PRKD3: variants seen among roughly 807,000 people sequenced by gnomAD.
The protein encoded by PRKD3 is protein kinase D3, also known as serine/threonine-protein kinase D3.
PRKD3 carries 47 observed loss-of-function variants against 99.2 expected under a neutral mutation model. That is an observed-to-expected ratio of 0.47 (90% CI 0.38 to 0.60). The LOEUF is 0.60. Among genes scored for constraint, PRKD3 ranks in the 20% least tolerant of loss-of-function variants. The pLI is 0.00. For missense variants in PRKD3, 1,019 were observed against 1,088.4 expected, an observed-to-expected ratio of 0.94 and a Z score of 0.90; for synonymous variants, 392 against 355.4, an observed-to-expected ratio of 1.10 and a Z score of -1.16.
chr2:37,296,936 C>G (rs1181188507), intron 2 of PRKD3, among the ~76,000 whole-genome samples: 3 of 146,854 alleles, frequency 2.0e-5, no homozygotes, highest in Non-Finnish European at 4.5e-5. Context: ...ATGTAAGAGT[C>G]TAAACTAAAA....
At position 37,274,607 on chromosome 2, in the gene PRKD3, T is replaced by A. The variant is rs1207900846; in HGVS notation, c.1465A>T (p.Ile489Phe). 6.2e-7 allele frequency: 1 copy of A among 1,614,034 alleles called. No individual in the cohort carries two copies. Among genetic ancestry groups the A allele is most frequent in the Non-Finnish European group, 8.5e-7 (1 of 1,179,978 alleles). Residue 489 changes from isoleucine (I) to phenylalanine (F), a missense_variant, in exon 11 of 19, where the codon ATT becomes TTT. Physicochemically the swap from Ile to Phe is conservative, Grantham distance 21. Around this residue, in one of 3 missense-constraint regions of PRKD3, gnomAD observed 710 missense variants for 692.7 expected, o/e 1.02. Transcript: ENST00000234179. ...ACGAAGTATACCATAGTATCAGTAA[T>A]GATTTCAAAACAGTGTGGATTGCTG... ...QGSNPHCFEI[I>F]TDTMVYFVGE...
At chr2:37,255,755 C>T (rs1039321577) in intron 17 of PRKD3, among the ~76,000 whole-genome samples, 3 of 152,142 alleles carry the variant, frequency 2.0e-5, no homozygotes, top group Non-Finnish European at 4.4e-5. Context: ...CCTGTAATCC[C>T]AGCACTTTGG....
At chr2:37,309,332 T>A (rs1287741358) in intron 2 of PRKD3, among the ~76,000 whole-genome samples, 1 of 152,212 alleles carries the variant, frequency 6.6e-6, no homozygotes, top group Non-Finnish European at 1.5e-5. Context: ...ACTGTTCCTA[T>A]CCCTTTAGAG....
intron 7 of PRKD3, among the ~76,000 whole-genome samples, chr2:37,280,919 C>T (rs925849841): frequency 6.6e-6 from 1 of 152,090 alleles, no homozygotes; most frequent in Non-Finnish European, 1.5e-5. Context: ...GAAAAATAAA[C>T]AGATAAGTAA....
At chr2:37,294,581 T>C (rs1670593108) in intron 2 of PRKD3, among the ~76,000 whole-genome samples, 1 of 152,104 alleles carries the variant, frequency 6.6e-6, no homozygotes, top group Non-Finnish European at 1.5e-5. Flanking sequence ...ATAGTATGTT[T>C]AACATATATC....
At chr2:37,291,529 C>T (rs1670422806) in intron 3 of PRKD3, among the ~76,000 whole-genome samples, 1 of 152,150 alleles carries the variant, frequency 6.6e-6, no homozygotes, top group Admixed American at 6.5e-5. Flanking sequence ...TCACCTCAAC[C>T]TGCAAGTAGT....
rs3770761 is a variant in PRKD3, at chr2:37,279,796, A to T, written c.1122T>A (p.Asp374Glu). The T allele has an allele frequency of 6.2e-7, 1 of 1,613,752 alleles. No individual in the cohort carries two copies. ...CTCTTTCCACATCGAGATCAGATGG[A>T]TCCAAGAAGAACATCTTATCTTCTG... The part of the protein sequence containing the change: ...SPPEDKMFFL[D>E]PSDLDVERDE... The change falls in exon 8 of 19, where the codon GAT (aspartate) becomes GAA (glutamate). Residue 374 changes from aspartate (D) to glutamate (E), a missense_variant. Asp to Glu is a conservative substitution (Grantham distance 45). Coordinates refer to ENST00000234179, the MANE Select transcript of PRKD3 (RefSeq NM_005813.6).
At chr2:37,291,847 C>T (rs1670444609) in intron 3 of PRKD3, among the ~76,000 whole-genome samples, 2 of 152,148 alleles carry the variant, frequency 1.3e-5, no homozygotes, top group African/African-American at 2.4e-5. Flanking sequence ...AGCTTGCTTC[C>T]TTTCTTCCAT....
At chr2:37,279,318 T>A (rs552961045) in intron 8 of PRKD3, 1 of 152,904 alleles carries the variant, frequency 6.5e-6, no homozygotes, top group African/African-American at 2.4e-5. Flanking sequence ...GCCCTAAACT[T>A]CATCACCATT....
At position 37,316,424 on chromosome 2, in the gene PRKD3, G is replaced by A. The variant is rs114047527; in HGVS notation, c.101C>T (p.Thr34Met). 128 of 1,614,208 alleles carry A rather than the reference G, an allele frequency of 7.9e-5. No homozygotes were observed. In the African/African-American group the frequency reaches 1.2e-3, roughly 15 times the overall value. ...ATTAGAGAGTCGGGCAGAGAGTCCC[G>A]TCTTAGGACTTGAACACGGAGAAGC... is the stretch of plus-strand genomic sequence containing the variant. ...PAASPCSSPK[T>M]GLSARLSNGS... Residue 34 changes from threonine to methionine, a missense_variant, in exon 2 of 19, where the codon ACG (threonine) becomes ATG (methionine). Around this residue, in one of 3 missense-constraint regions of PRKD3, gnomAD observed 710 missense variants for 692.7 expected, o/e 1.02. Transcript: ENST00000234179.
chr2:37,274,833 T>C (rs17020423), intron 10 of PRKD3, 136 bp from the exon 11 acceptor site: 9,234 of 856,356 alleles, frequency 0.011, 66 homozygotes, highest in Middle Eastern at 0.025. Flanking sequence ...TAATACACAG[T>C]TGAGTCTTAT....
chr2:37,267,049 A>G (rs142978432), intron 14 of PRKD3, among the ~76,000 whole-genome samples: 1 of 152,320 alleles, frequency 6.6e-6, no homozygotes, highest in Non-Finnish European at 1.5e-5. Context: ...TAGAGTTTTT[A>G]ATTAATGAAA....
At chr2:37,256,358 G>A (rs954197838) in intron 17 of PRKD3, among the ~76,000 whole-genome samples, 1 of 152,262 alleles carries the variant, frequency 6.6e-6, no homozygotes. Context: ...TGGCAGTAGT[G>A]ACTAGGAAGG....
chr2:37,269,718 T>TAGAAA, intron 12 of PRKD3, 31 bp from the exon 13 acceptor site: 12 of 1,463,186 alleles, frequency 8.2e-6, no homozygotes, highest in African/African-American at 1.4e-5. Flanking sequence ...GTTAGTATTA[T>TAGAAA]TTATTTCTAT....
intron 2 of PRKD3, among the ~76,000 whole-genome samples, chr2:37,301,819 C>T (rs1670944977): frequency 2.6e-5 from 4 of 152,212 alleles, no homozygotes. Context: ...GGAATTGTCA[C>T]TGGCTATTAT....
intron 1 of PRKD3, among the ~76,000 whole-genome samples, chr2:37,318,076 T>C (rs1023855098): frequency 6.6e-6 from 1 of 151,884 alleles, no homozygotes; most frequent in Non-Finnish European, 1.5e-5. Context: ...TACCCATAAA[T>C]AATTCCAATG....
chr2:37,254,644 T>C (rs2300895), intron 17 of PRKD3, among the ~76,000 whole-genome samples: 17,498 of 152,218 alleles, frequency 0.11, 1,413 homozygotes, highest in East Asian at 0.34. Flanking sequence ...TGCTGACATA[T>C]GTTAAGGGCT....
At chr2:37,277,323 A>G (rs1310483848) in intron 9 of PRKD3, among the ~76,000 whole-genome samples, 3 of 152,166 alleles carry the variant, frequency 2.0e-5, no homozygotes, top group Non-Finnish European at 2.9e-5. Flanking sequence ...CCAAGTTCAT[A>G]TAGTTTTATA....
At chr2:37,305,546 T>A (rs181968739) in intron 2 of PRKD3, among the ~76,000 whole-genome samples, 10 of 152,364 alleles carry the variant, frequency 6.6e-5, no homozygotes, top group African/African-American at 2.4e-4. Context: ...AGAAGTGCTA[T>A]TGAGTGCAGT....
Sources: gnomAD v4.1 joint callset for allele counts (sites outside exome capture counted in the v4.1 genomes callset) on GRCh38, gnomAD v4.1.1 for gene constraint, gnomAD v4.1.1 regional missense constraint, MANE v1.5 for transcripts, NCBI Gene and HGNC (gene_info 2026-07-23, HGNC 2026-07-21) for gene names.